ARID1B: variants seen among roughly 807,000 people sequenced by gnomAD.
ARID1B encodes the protein AT-rich interactive domain-containing protein 1B.
Under a neutral mutation model 212.3 loss-of-function variants are expected in ARID1B, and 30 were observed. That is an observed-to-expected ratio of 0.14 (90% CI 0.11 to 0.19). The LOEUF is 0.19. Ranked by LOEUF, ARID1B falls within the 10% of genes least tolerant of loss-of-function variation. ARID1B has a pLI of 1.00. For missense variants in ARID1B, 2,891 were observed against 3,204.0 expected (o/e 0.90, Z 2.36); for synonymous variants, 1,402 against 1,301.7 (o/e 1.08, Z -1.66).
At chr6:156,933,822 A>G (rs1791946725) in intron 3 of ARID1B, among the ~76,000 whole-genome samples, 1 of 152,158 alleles carries the variant, frequency 6.6e-6, no homozygotes. Context: ...GCTACATGTG[A>G]AAAGCTGGAA....
chr6:157,143,277 C>T (rs1789498734), intron 7 of ARID1B, among the ~76,000 whole-genome samples: 2 of 152,202 alleles, frequency 1.3e-5, no homozygotes, highest in Admixed American at 6.5e-5. Context: ...CTGGATCCAT[C>T]TGTTTTCTGT....
intron 1 of ARID1B, among the ~76,000 whole-genome samples, chr6:156,824,601 C>CA (rs1283210557): frequency 6.6e-6 from 1 of 151,990 alleles, no homozygotes; most frequent in African/African-American, 2.4e-5. Context: ...CCTGTCTCTA[C>CA]AAAAAATACA....
intron 4 of ARID1B, among the ~76,000 whole-genome samples, chr6:157,027,155 A>T (rs1268257257): frequency 6.6e-6 from 1 of 152,106 alleles, no homozygotes; most frequent in East Asian, 1.9e-4. Flanking sequence ...CCCTAGAGTC[A>T]TTTTTTCTTA....
At chr6:157,100,395 G>A (rs1785979584) in intron 5 of ARID1B, among the ~76,000 whole-genome samples, 1 of 152,212 alleles carries the variant, frequency 6.6e-6, no homozygotes, top group South Asian at 2.1e-4. Context: ...CCACTAAGCG[G>A]AAGCCTGAGC....
At chr6:156,992,568 G>A (rs1441746080) in intron 4 of ARID1B, among the ~76,000 whole-genome samples, 1 of 152,226 alleles carries the variant, frequency 6.6e-6, no homozygotes, top group African/African-American at 2.4e-5. Context: ...CGGGAATGGA[G>A]GGGACAGACG....
chr6:156,780,105 T>C (rs1473974924), intron 1 of ARID1B, among the ~76,000 whole-genome samples: 2 of 152,050 alleles, frequency 1.3e-5, no homozygotes, highest in Non-Finnish European at 2.9e-5. Context: ...AATAACAAAA[T>C]TTACAACGAC....
At chr6:157,019,221 G>A (rs1463237296) in intron 4 of ARID1B, among the ~76,000 whole-genome samples, 1 of 152,236 alleles carries the variant, frequency 6.6e-6, no homozygotes, top group East Asian at 1.9e-4. Context: ...GTTGGAAAGA[G>A]CCTGGTGTCA....
intron 4 of ARID1B, among the ~76,000 whole-genome samples, chr6:157,032,974 A>G (rs117571388): frequency 3.3e-5 from 5 of 152,350 alleles, no homozygotes; most frequent in African/African-American, 4.8e-5. Context: ...ATGTTCGACT[A>G]TACAGTAATT....
At chr6:157,130,567 T>G (rs1788479805) in intron 6 of ARID1B, among the ~76,000 whole-genome samples, 1 of 152,258 alleles carries the variant, frequency 6.6e-6, no homozygotes, top group South Asian at 2.1e-4. Context: ...TTCATAAGGC[T>G]TATCTTTATA....
At chr6:157,119,403 C>A (rs893473527) in intron 6 of ARID1B, among the ~76,000 whole-genome samples, 1 of 152,206 alleles carries the variant, frequency 6.6e-6, no homozygotes, top group Non-Finnish European at 1.5e-5. Context: ...CTGTCCTTAT[C>A]CAGCCCCGGC....
intron 4 of ARID1B, among the ~76,000 whole-genome samples, chr6:156,945,681 A>C (rs1489307543): frequency 6.6e-6 from 1 of 152,112 alleles, no homozygotes; most frequent in Non-Finnish European, 1.5e-5. Context: ...TGGTAATATG[A>C]CACTTCATTC....
Position 156,778,419 on chromosome 6 carries a change from G to A in ARID1B, c.739G>A (p.Asp247Asn), listed in dbSNP as rs1009639942. 3 of 1,527,962 alleles carry A rather than the reference G, an allele frequency of 2.0e-6. No homozygotes were observed. The highest frequency in any genetic ancestry group is 2.6e-6 in the Non-Finnish European group (3 of 1,142,112). 94.7% of individuals were successfully genotyped at this position (1,527,962 alleles called of 1,614,324 possible). ...MEQPQHGGAK[D>N]SAAGGQADPP... ...GCAGCCGCAACATGGAGGCGCCAAG[G>A]ACAGTGCTGCGGGCGGCCAGGCCGA... The change falls in exon 1 of 20, where the codon GAC becomes AAC. Residue 247 changes from aspartate to asparagine, a missense_variant. By Grantham distance (23) the Asp-to-Asn change is conservative. Around this residue, in one of 7 missense-constraint regions of ARID1B, gnomAD observed 1,643 missense variants for 1,544.0 expected, o/e 1.06. Coordinates refer to ENST00000636930, the MANE Select transcript of ARID1B (RefSeq NM_001374828.1).
intron 1 of ARID1B, among the ~76,000 whole-genome samples, chr6:156,790,297 C>T (rs1449807610): frequency 6.6e-6 from 1 of 152,090 alleles, no homozygotes; most frequent in Non-Finnish European, 1.5e-5. Context: ...AAGTAGATAT[C>T]CAGAAAATAT....
intron 11 of ARID1B, among the ~76,000 whole-genome samples, chr6:157,178,193 T>C (rs928052148): frequency 5.3e-5 from 8 of 152,150 alleles, no homozygotes; most frequent in Non-Finnish European, 1.2e-4. Context: ...GTTTATAGGA[T>C]ATTTGAATCA....
At chr6:157,025,140 A>G (rs1780580204) in intron 4 of ARID1B, among the ~76,000 whole-genome samples, 1 of 152,214 alleles carries the variant, frequency 6.6e-6, no homozygotes, top group South Asian at 2.1e-4. Flanking sequence ...CCTCCTCCAT[A>G]AGAAAAATGT....
chr6:157,077,373 C>T (rs1045075958), intron 4 of ARID1B, among the ~76,000 whole-genome samples: 12 of 152,206 alleles, frequency 7.9e-5, no homozygotes, highest in African/African-American at 2.9e-4. Flanking sequence ...TCCCTGGTTC[C>T]TAAAAATGTA....
In ARID1B at chr6:157,038,512, A is replaced by G. The variant is rs190574957; in HGVS notation, c.2248-46150A>G. On this transcript the variant is annotated intron_variant, in intron 4 of 19. Coordinates refer to ENST00000636930, the MANE Select transcript of ARID1B (RefSeq NM_001374828.1). The stretch of plus-strand genomic sequence containing the variant: ...CAATTTTACATTCATAAATATATGA[A>G]GAAAATTAAATTAATACTTTATAAA... 3.3e-5 allele frequency among the ~76,000 whole-genome samples: 5 copies of G among 152,334 alleles called. No individual in the cohort carries two copies. In the East Asian group the frequency reaches 9.6e-4, roughly 29 times the overall value.
chr6:156,946,412 C>T (rs944747569), intron 4 of ARID1B, among the ~76,000 whole-genome samples: 5 of 151,730 alleles, frequency 3.3e-5, no homozygotes, highest in African/African-American at 1.2e-4. Context: ...AATAAATATG[C>T]CCATTAGTGA....
rs185233818 is a variant in ARID1B, at chr6:157,040,440, G to A, written c.2248-44222G>A. Among the ~76,000 whole-genome samples the A allele has an allele frequency of 2.4e-3, 361 of 152,172 alleles. 2 individuals are homozygous for A. The highest frequency in any genetic ancestry group is 2.3e-3 in the Non-Finnish European group (154 of 68,006). ...GAGTGTGTGTCCTGTGTATGTCGCC[G>A]CTCCTTTTAGTGATGATCTTTAATG... On this transcript the variant is annotated intron_variant, in intron 4 of 19. Coordinates refer to ENST00000636930, the MANE Select transcript of ARID1B (RefSeq NM_001374828.1).
Sources: gnomAD v4.1 joint callset for allele counts (sites outside exome capture counted in the v4.1 genomes callset) on GRCh38, gnomAD v4.1.1 for gene constraint, gnomAD v4.1.1 regional missense constraint, MANE v1.5 for transcripts, NCBI Gene and HGNC (gene_info 2026-07-23, HGNC 2026-07-21) for gene names.